Variants in TDRD3 observed in about 807,000 individuals in gnomAD.
TDRD3 encodes the protein tudor domain containing 3.
A neutral mutation model predicts 86.7 loss-of-function variants in TDRD3; 45 were observed. The ratio of observed to expected loss-of-function variants is 0.52; its 90% confidence interval spans 0.41 to 0.67. The LOEUF is 0.67. TDRD3 is among the 30% of genes least tolerant of loss of function. The probability of loss-of-function intolerance (pLI) is 0.00; values close to 1 mark genes in which losing one functional copy is unlikely to be tolerated. For synonymous variants in TDRD3, 298 were observed against 301.7 expected (o/e 0.99, Z 0.13); for missense variants, 814 against 889.0 (o/e 0.92, Z 1.07).
intron 3 of TDRD3, among the ~76,000 whole-genome samples, chr13:60,452,087 A>T (rs1270586501): frequency 6.6e-6 from 1 of 152,158 alleles, no homozygotes; most frequent in African/African-American, 2.4e-5. Context: ...CTATGTTATA[A>T]AATCACTGAA....
At chr13:60,426,108 A>T (rs369772252) in intron 1 of TDRD3, among the ~76,000 whole-genome samples, 9 of 152,102 alleles carry the variant, frequency 5.9e-5, no homozygotes, top group Admixed American at 3.9e-4. Context: ...AAAGAAGGAG[A>T]TCCTGCCGTT....
chr13:60,460,125 A>G (rs893082935), intron 3 of TDRD3, among the ~76,000 whole-genome samples: 2 of 147,862 alleles, frequency 1.4e-5, no homozygotes, highest in Non-Finnish European at 3.1e-5. Context: ...TTCTTTTCTC[A>G]TTACCTTCTG....
chr13:60,505,481 G>A (rs1436398913), intron 8 of TDRD3, among the ~76,000 whole-genome samples: 1 of 152,192 alleles, frequency 6.6e-6, no homozygotes, highest in Non-Finnish European at 1.5e-5. Context: ...CTGGGACAGA[G>A]CAACTGGGGG....
At chr13:60,502,358 C>T (rs1443677932) in intron 8 of TDRD3, among the ~76,000 whole-genome samples, 1 of 152,196 alleles carries the variant, frequency 6.6e-6, no homozygotes, top group Non-Finnish European at 1.5e-5. Flanking sequence ...ATTAATGAGA[C>T]TGGAATTTAA....
intron 12 of TDRD3, among the ~76,000 whole-genome samples, chr13:60,558,681 G>A (rs767859025): frequency 2.2e-4 from 33 of 152,024 alleles, no homozygotes; most frequent in Middle Eastern, 6.8e-3. Context: ...ACTTTATAGC[G>A]TGTCTGTAAC....
chr13:60,542,174 T>C (rs921029825), intron 12 of TDRD3, among the ~76,000 whole-genome samples: 1 of 152,178 alleles, frequency 6.6e-6, no homozygotes, highest in Non-Finnish European at 1.5e-5. Context: ...ATTTTATCTT[T>C]TCATTTACTT....
intron 3 of TDRD3, among the ~76,000 whole-genome samples, chr13:60,458,129 T>C (rs1955721129): frequency 6.6e-6 from 1 of 152,154 alleles, no homozygotes; most frequent in African/African-American, 2.4e-5. Flanking sequence ...AATCGGCATT[T>C]GGGGGCAGGT....
intron 6 of TDRD3, chr13:60,484,732 G>A: frequency 2.2e-6 from 1 of 454,656 alleles, no homozygotes; most frequent in South Asian, 1.6e-5. Flanking sequence ...AAAGTGTGAA[G>A]TCCTATGGTG....
chr13:60,496,215 A>T (rs1263691422), intron 8 of TDRD3, among the ~76,000 whole-genome samples: 1 of 145,576 alleles, frequency 6.9e-6, no homozygotes. Context: ...TGGAACTTGG[A>T]CTGGCTCTCC....
chr13:60,417,668 G>A (rs1225440006), intron 1 of TDRD3, among the ~76,000 whole-genome samples: 2 of 152,056 alleles, frequency 1.3e-5, no homozygotes, highest in East Asian at 3.9e-4. Flanking sequence ...ATATACTGAT[G>A]ATTCCTAAAT....
chr13:60,462,921 C>A (rs567061793), intron 4 of TDRD3, among the ~76,000 whole-genome samples: 1 of 152,108 alleles, frequency 6.6e-6, no homozygotes, highest in Non-Finnish European at 1.5e-5. Flanking sequence ...AAAACAGACA[C>A]ATAGACCAAT....
intron 12 of TDRD3, among the ~76,000 whole-genome samples, chr13:60,543,526 G>A (rs1476913072): frequency 6.6e-6 from 1 of 151,906 alleles, no homozygotes; most frequent in Non-Finnish European, 1.5e-5. Context: ...ATTATACAAT[G>A]TCTACAGGAA....
At chr13:60,476,094 T>G (rs1483559319) in intron 5 of TDRD3, among the ~76,000 whole-genome samples, 1 of 152,190 alleles carries the variant, frequency 6.6e-6, no homozygotes, top group East Asian at 1.9e-4. Flanking sequence ...TCTTGAGGAC[T>G]TGGTTGTAAA....
At chr13:60,422,428 G>A (rs771067426) in intron 1 of TDRD3, among the ~76,000 whole-genome samples, 3 of 152,204 alleles carry the variant, frequency 2.0e-5, no homozygotes, top group Admixed American at 6.5e-5. Flanking sequence ...AAATTTGCAC[G>A]CAAACCTAGG....
At chr13:60,474,027 C>G (rs972222898) in intron 5 of TDRD3, among the ~76,000 whole-genome samples, 5 of 152,222 alleles carry the variant, frequency 3.3e-5, no homozygotes, top group Non-Finnish European at 7.3e-5. Context: ...GCCTGACTGT[C>G]TCCCTGTGAT....
chr13:60,428,319 G>C (rs1566183642), intron 1 of TDRD3, among the ~76,000 whole-genome samples: 1 of 151,532 alleles, frequency 6.6e-6, no homozygotes, highest in Non-Finnish European at 1.5e-5. Flanking sequence ...CAGATTCCCA[G>C]GCATTAGGAC....
intron 5 of TDRD3, among the ~76,000 whole-genome samples, chr13:60,479,240 T>G (rs1394095241): frequency 6.6e-6 from 1 of 152,254 alleles, no homozygotes; most frequent in East Asian, 1.9e-4. Context: ...GATTTCTGCC[T>G]TGATTTCATT....
At chr13:60,424,545 G>A (rs753214492) in intron 1 of TDRD3, among the ~76,000 whole-genome samples, 1 of 151,850 alleles carries the variant, frequency 6.6e-6, no homozygotes, top group Non-Finnish European at 1.5e-5. Context: ...GGCATAGTGG[G>A]ATGCTCCTGT....
intron 12 of TDRD3, among the ~76,000 whole-genome samples, chr13:60,566,889 AAAT>A (rs1958472626): frequency 6.6e-6 from 1 of 152,198 alleles, no homozygotes; most frequent in Non-Finnish European, 1.5e-5. Flanking sequence ...AAGCAAATAA[AAAT>A]AAAATAGTTT....
Sources: gnomAD v4.1 joint callset for allele counts (sites outside exome capture counted in the v4.1 genomes callset) on GRCh38, gnomAD v4.1.1 for gene constraint, MANE v1.5 for transcripts, NCBI Gene and HGNC (gene_info 2026-07-23, HGNC 2026-07-21) for gene names.